DYRK1A: variants seen among roughly 807,000 people sequenced by gnomAD.
DYRK1A encodes the protein dual specificity tyrosine phosphorylation regulated kinase 1A, also known as dual specificity tyrosine-phosphorylation-regulated kinase 1A.
DYRK1A carries 9 observed loss-of-function variants against 79.7 expected under a neutral mutation model. The observed-to-expected ratio is 0.11, with a 90% confidence interval of 0.07 to 0.20. DYRK1A has a LOEUF of 0.20. Among genes scored for constraint, DYRK1A ranks in the 10% least tolerant of loss-of-function variants. The pLI, the probability that DYRK1A is intolerant of heterozygous loss-of-function variation, is 1.00. For synonymous variants in DYRK1A, 349 were observed against 329.7 expected (o/e 1.06, Z -0.63); for missense variants, 622 against 956.0 (o/e 0.65, Z 4.61).
rs114410321 is a variant in DYRK1A at position 37,488,796 on chromosome 21, T to C, written c.638-1379T>C. On this transcript the variant is annotated intron_variant, in intron 6 of 11. Coordinates refer to ENST00000647188, the MANE Select transcript of DYRK1A (RefSeq NM_001347721.2). ...ATTAGAATTCTGACAGCAGTTACTT[T>C]TTGCATTCATTTAGTGGCACCTGCT... The C allele has an allele frequency of 1.1e-3, 1,076 of 985,328 alleles. 9 individuals carry two copies. In the African/African-American group the frequency reaches 0.018, roughly 16 times the overall value. The allele number at this position is 985,328 out of a possible 1,614,324, so 61.0% of individuals were successfully genotyped here. A position where few individuals can be genotyped will look rare whatever the true frequency, so the allele number is the denominator to read the frequency against.
chr21:37,383,456 T>G (rs928794768), intron 1 of DYRK1A, among the ~76,000 whole-genome samples: 1 of 152,252 alleles, frequency 6.6e-6, no homozygotes, highest in African/African-American at 2.4e-5. Flanking sequence ...AGAGCCAGTT[T>G]CTTTGTTTGC....
At chr21:37,408,776 A>AG (rs2050193718) in intron 1 of DYRK1A, among the ~76,000 whole-genome samples, 1 of 152,176 alleles carries the variant, frequency 6.6e-6, no homozygotes, top group Non-Finnish European at 1.5e-5. Flanking sequence ...AGCAACCCAA[A>AG]GTAGATGTTT....
At chr21:37,388,164 A>G (rs1307352537) in intron 1 of DYRK1A, among the ~76,000 whole-genome samples, 1 of 140,030 alleles carries the variant, frequency 7.1e-6, no homozygotes, top group Non-Finnish European at 1.5e-5. Flanking sequence ...GGCATACAGC[A>G]GTTTCGACCT....
rs191961616 is a variant in DYRK1A, at chr21:37,492,834, C to T, written c.925-183C>T. The stretch of plus-strand genomic sequence containing the variant: ...ATTATGCATTTCACAGTCAGATTAA[C>T]CAATCCCTCAAAATGTTTAGTTCTT... On this transcript the variant is annotated intron_variant, in intron 7 of 11. Coordinates refer to ENST00000647188, the MANE Select transcript of DYRK1A (RefSeq NM_001347721.2). Among the ~76,000 whole-genome samples the T allele has an allele frequency of 5.1e-4, 77 of 152,068 alleles. No individual in the cohort carries two copies. The Middle Eastern group carries it at 0.02, about 40-fold the overall frequency.
At chr21:37,494,667 G>C (rs1212537220) in intron 8 of DYRK1A, among the ~76,000 whole-genome samples, 1 of 152,074 alleles carries the variant, frequency 6.6e-6, no homozygotes, top group Admixed American at 6.5e-5. Context: ...TATTGATAAT[G>C]CCGGGCGCAG....
chr21:37,507,002 C>T (rs1391028149), intron 11 of DYRK1A, among the ~76,000 whole-genome samples: 1 of 152,196 alleles, frequency 6.6e-6, no homozygotes, highest in Non-Finnish European at 1.5e-5. Context: ...ACATGTTTTC[C>T]AAGTTGTCCC....
intron 4 of DYRK1A, among the ~76,000 whole-genome samples, chr21:37,479,931 A>G (rs550829397): frequency 6.6e-6 from 1 of 152,028 alleles, no homozygotes; most frequent in Non-Finnish European, 1.5e-5. Flanking sequence ...CTGGCCCAGA[A>G]TCAGTGTTAA....
At chr21:37,401,234 G>A (rs1482681259) in intron 1 of DYRK1A, among the ~76,000 whole-genome samples, 1 of 151,948 alleles carries the variant, frequency 6.6e-6, no homozygotes, top group Non-Finnish European at 1.5e-5. Flanking sequence ...GTCTAATATA[G>A]CCCATTGTGA....
chr21:37,372,238 G>T (rs907089550), intron 1 of DYRK1A, among the ~76,000 whole-genome samples: 3 of 151,562 alleles, frequency 2.0e-5, no homozygotes, highest in African/African-American at 4.9e-5. Flanking sequence ...GAGGCCAGGA[G>T]TTCGAAACCA....
Position 37,490,359 on chromosome 21 carries a change from C to T in DYRK1A, c.822C>T (p.Ile274=), listed in dbSNP as rs751881171. 1 of 1,613,698 alleles carries T rather than the reference C, an allele frequency of 6.2e-7. No homozygotes were observed. Among genetic ancestry groups the T allele is most frequent in the East Asian group, 2.2e-5 (1 of 44,824 alleles). ...LLFLATPELS[I]IHCDLKPENI... is the part of the protein sequence containing the mutation. ...TCCTTGCGACTCCAGAACTTAGTAT[C>T]ATTCACTGTGATCTAAAACCTGAAA... Residue 274 remains isoleucine (I), a synonymous_variant, in exon 7 of 12, where the codon ATC becomes ATT. Transcript: ENST00000647188.
chr21:37,436,419 G>A (rs1220468814), intron 2 of DYRK1A, among the ~76,000 whole-genome samples: 1 of 152,070 alleles, frequency 6.6e-6, no homozygotes, highest in African/African-American at 2.4e-5. Context: ...AATAAGACCT[G>A]GTGTCTTACT....
chr21:37,508,557 G>T (rs534568466), intron 11 of DYRK1A, among the ~76,000 whole-genome samples: 106 of 152,316 alleles, frequency 7.0e-4, no homozygotes, highest in African/African-American at 2.5e-3. Context: ...AAAGTGTGGG[G>T]ATTACAGGCA....
At position 37,479,612 on chromosome 21, in the gene DYRK1A, GTTTTTTGTTTTTTTT is replaced by G. The variant is rs1157101910; in HGVS notation, c.301-1019_301-1005del. 6.4e-5 allele frequency among the ~76,000 whole-genome samples: 3 copies of G among 47,160 alleles called. 1 individual carries two copies. Among genetic ancestry groups the G allele is most frequent in the African/African-American group, 1.7e-4 (2 of 11,690 alleles). The allele number at this position is 47,160 out of a possible 152,430, so 30.9% of individuals were successfully genotyped here. A position where few individuals can be genotyped will look rare whatever the true frequency, so the allele number is the denominator to read the frequency against. On this transcript the variant is annotated intron_variant, in intron 4 of 11. Transcript: ENST00000647188. ...GTGTTTTGTTTTTGTTTTTGTTTTT[GTTTTTTGTTTTTTTT>G]TTTTTTTTTGGAGACAGAGTCTCAC...
At chr21:37,448,967 G>A (rs1331942655) in intron 2 of DYRK1A, among the ~76,000 whole-genome samples, 2 of 152,142 alleles carry the variant, frequency 1.3e-5, no homozygotes, top group Admixed American at 6.5e-5. Flanking sequence ...CAAAATGTTG[G>A]GATTACAGGT....
At chr21:37,433,790 A>G (rs190676985) in intron 2 of DYRK1A, among the ~76,000 whole-genome samples, 1 of 152,344 alleles carries the variant, frequency 6.6e-6, no homozygotes, top group Non-Finnish European at 1.5e-5. Context: ...AAACCAAGAG[A>G]CATTGATGTG....
chr21:37,479,625 T>TTTTTTGTTTTTG (rs2052560021), intron 4 of DYRK1A, among the ~76,000 whole-genome samples: 1 of 97,536 alleles, frequency 1.0e-5, no homozygotes, highest in Non-Finnish European at 1.9e-5. Flanking sequence ...TTTTGTTTTT[T>TTTTTTGTTTTTG]TTTTTTTTTT....
chr21:37,478,439 AAAT>A (rs1289587996), intron 4 of DYRK1A, 139 bp downstream of exon 4: 27 of 620,894 alleles, frequency 4.3e-5, no homozygotes, highest in Non-Finnish European at 7.2e-5. Context: ...AATGATTTAG[AAAT>A]AATATTACAA....
intron 2 of DYRK1A, 101 bp from the exon 3 acceptor site, chr21:37,472,583 G>A (rs2052260896): frequency 9.7e-7 from 1 of 1,030,296 alleles, no homozygotes; most frequent in Non-Finnish European, 1.3e-6. Context: ...TTTTAATATT[G>A]AATATCCTAA....
At chr21:37,422,321 A>G (rs900394687) in intron 2 of DYRK1A, among the ~76,000 whole-genome samples, 2 of 152,208 alleles carry the variant, frequency 1.3e-5, no homozygotes, top group Non-Finnish European at 2.9e-5. Context: ...CAGCTTTCAG[A>G]ATCATCATTA....
Sources: allele counts gnomAD v4.1 joint callset (sites outside exome capture counted in the v4.1 genomes callset), GRCh38; gene constraint gnomAD v4.1.1; transcripts MANE v1.5; gene names NCBI Gene and HGNC (gene_info 2026-07-23, HGNC 2026-07-21).